HDAC9: variants seen among roughly 807,000 people sequenced by gnomAD.
The protein encoded by HDAC9 is MEF-2 interacting transcription repressor (MITR) protein.
Under a neutral mutation model 139.4 loss-of-function variants are expected in HDAC9, and 41 were observed. The ratio of observed to expected loss-of-function variants is 0.29; its 90% confidence interval spans 0.23 to 0.38. HDAC9 has a LOEUF of 0.38. HDAC9 is among the 10% of genes least tolerant of loss of function. HDAC9 has a pLI of 1.00. For synonymous variants in HDAC9, 517 were observed against 476.2 expected, an observed-to-expected ratio of 1.09 and a Z score of -1.12; for missense variants, 1,147 against 1,297.0, an observed-to-expected ratio of 0.88 and a Z score of 1.78.
intron 2 of HDAC9, among the ~76,000 whole-genome samples, chr7:18,250,448 G>A (rs1024612337): frequency 1.3e-5 from 2 of 152,168 alleles, no homozygotes; most frequent in Admixed American, 6.5e-5. Context: ...GTTGTTGGTT[G>A]TTAACATCTG....
chr7:18,313,483 G>A (rs1028202149), intron 1 of HDAC9, among the ~76,000 whole-genome samples: 3 of 152,112 alleles, frequency 2.0e-5, no homozygotes, highest in Admixed American at 6.5e-5. Context: ...CAAATACTTA[G>A]TTCATTTTCT....
chr7:18,964,722 T>C (rs1160982247), intron 24 of HDAC9, among the ~76,000 whole-genome samples: 3 of 152,088 alleles, frequency 2.0e-5, no homozygotes, highest in Non-Finnish European at 2.9e-5. Context: ...AGAGCAAATG[T>C]GTGAAGGAGG....
At chr7:18,782,459 C>A (rs537161342) in intron 16 of HDAC9, among the ~76,000 whole-genome samples, 3 of 151,974 alleles carry the variant, frequency 2.0e-5, no homozygotes, top group Non-Finnish European at 2.9e-5. Context: ...CTATCATGTG[C>A]GGCTTTTCAG....
At chr7:18,742,787 T>C (rs1192323310) in intron 13 of HDAC9, among the ~76,000 whole-genome samples, 1 of 152,184 alleles carries the variant, frequency 6.6e-6, no homozygotes, top group East Asian at 1.9e-4. Context: ...AATTCCTTTC[T>C]TTATTGCCTC....
chr7:18,735,032 C>G (rs1359605939), intron 13 of HDAC9, among the ~76,000 whole-genome samples: 1 of 152,200 alleles, frequency 6.6e-6, no homozygotes, highest in Non-Finnish European at 1.5e-5. Context: ...GCCTAAATGT[C>G]TTCTTTTGAG....
intron 22 of HDAC9, among the ~76,000 whole-genome samples, 169 bp from the exon 23 acceptor site, chr7:18,935,640 T>C (rs111325775): frequency 0.011 from 1,632 of 152,270 alleles, 31 homozygotes; most frequent in African/African-American, 0.037. Flanking sequence ...ATCTGTAAAA[T>C]AGAGATAATA....
At position 18,603,450 on chromosome 7, in the gene HDAC9, T is replaced by G. The variant is rs145154043; in HGVS notation, c.664+9421T>G. 4.9e-3 allele frequency among the ~76,000 whole-genome samples: 742 copies of G among 152,208 alleles called. 2 individuals carry two copies. Among genetic ancestry groups the G allele is most frequent in the African/African-American group, 0.017 (703 of 41,578 alleles). On this transcript the variant is annotated intron_variant, in intron 6 of 25. Transcript: ENST00000686413. ...TCTCTACTCTCTTAACATATCAATT[T>G]TACCTCTTTTAAAAATATGTTTCAG...
intron 12 of HDAC9, among the ~76,000 whole-genome samples, chr7:18,683,104 A>G (rs899148829): frequency 6.6e-6 from 1 of 151,966 alleles, no homozygotes; most frequent in Non-Finnish European, 1.5e-5. Context: ...GAAATTCTGA[A>G]CTTTTCTTTT....
intron 2 of HDAC9, among the ~76,000 whole-genome samples, chr7:18,271,212 G>A (rs1004337432): frequency 6.6e-6 from 1 of 152,164 alleles, no homozygotes; most frequent in African/African-American, 2.4e-5. Context: ...CAAGTGTACA[G>A]TGTGATTTTA....
rs540254084 is a variant in HDAC9 at position 18,435,646 on chromosome 7, A to G, written c.-41-60616A>G. On this transcript the variant is annotated intron_variant, in intron 1 of 3. Transcript: ENST00000413509. Reference sequence around the variant, plus strand: ...ACATGTGCAGGTTTGTTATGTAGGTAAATTGCATGTCTTGGGGGTTTGGTG... The same window carrying G: ...ACATGTGCAGGTTTGTTATGTAGGTGAATTGCATGTCTTGGGGGTTTGGTG... 2.0e-5 allele frequency among the ~76,000 whole-genome samples: 3 copies of G among 151,366 alleles called. No individual in the cohort carries two copies. In the East Asian group the frequency reaches 5.9e-4, roughly 30 times the overall value.
At chr7:18,202,913 A>T (rs533045271) in intron 2 of HDAC9, among the ~76,000 whole-genome samples, 141 of 152,332 alleles carry the variant, frequency 9.3e-4, no homozygotes, top group Non-Finnish European at 1.7e-3. Flanking sequence ...CAGTTTGCTC[A>T]TCTGCACAAT....
intron 1 of HDAC9, among the ~76,000 whole-genome samples, chr7:18,121,006 T>C (rs1784335119): frequency 6.6e-6 from 1 of 152,178 alleles, no homozygotes; most frequent in Non-Finnish European, 1.5e-5. Flanking sequence ...ATGGCCAAAT[T>C]GCATTTTAGA....
At chr7:18,214,236 T>G (rs1299412422) in intron 2 of HDAC9, among the ~76,000 whole-genome samples, 2 of 152,116 alleles carry the variant, frequency 1.3e-5, no homozygotes, top group Admixed American at 6.6e-5. Context: ...TTCAACATCA[T>G]ACAGAAAGTA....
At chr7:18,147,460 G>A (rs576811737) in intron 1 of HDAC9, among the ~76,000 whole-genome samples, 1 of 152,144 alleles carries the variant, frequency 6.6e-6, no homozygotes, top group African/African-American at 2.4e-5. Context: ...TGTGAACTTG[G>A]GAAGAATCAG....
upstream of HDAC9, among the ~76,000 whole-genome samples, chr7:18,288,329 C>T (rs1231104432): frequency 1.3e-5 from 2 of 152,096 alleles, no homozygotes; most frequent in African/African-American, 4.8e-5. Flanking sequence ...TATAATTTGC[C>T]TTGGCATGTT....
At chr7:18,755,734 T>C (rs977523633) in intron 14 of HDAC9, among the ~76,000 whole-genome samples, 7 of 152,116 alleles carry the variant, frequency 4.6e-5, no homozygotes, top group African/African-American at 1.7e-4. Context: ...TATATGCTCG[T>C]CACCATTTCA....
chr7:18,536,581 T>G (rs1810987803), intron 2 of HDAC9, among the ~76,000 whole-genome samples: 1 of 152,218 alleles, frequency 6.6e-6, no homozygotes, highest in South Asian at 2.1e-4. Flanking sequence ...ATGTATATGT[T>G]TAAGAAGACT....
chr7:18,792,188 A>G (rs906380074), intron 16 of HDAC9, among the ~76,000 whole-genome samples: 5 of 151,326 alleles, frequency 3.3e-5, no homozygotes, highest in Non-Finnish European at 7.4e-5. Context: ...TACTTAGTTC[A>G]CTGTGAATGT....
intron 2 of HDAC9, among the ~76,000 whole-genome samples, chr7:18,280,598 A>C (rs1409442512): frequency 6.6e-6 from 1 of 151,226 alleles, no homozygotes; most frequent in African/African-American, 2.4e-5. Context: ...AAAAAAAAAA[A>C]ACAAAAAACA....
Sources: gnomAD v4.1 joint callset for allele counts (sites outside exome capture counted in the v4.1 genomes callset) on GRCh38, gnomAD v4.1.1 for gene constraint, MANE v1.5 for transcripts, NCBI Gene and HGNC (gene_info 2026-07-23, HGNC 2026-07-21) for gene names.